The following HPSE2 variants were observed in gnomAD, a reference collection of about 807,000 sequenced individuals.
HPSE2 encodes the protein heparanase 2 (inactive).
A neutral mutation model predicts 60.5 loss-of-function variants in HPSE2; 38 were observed. That is an observed-to-expected ratio of 0.63 (90% CI 0.48 to 0.82). The LOEUF (loss-of-function observed/expected upper bound fraction) is 0.82. Ranked by LOEUF, HPSE2 falls within the 40% of genes least tolerant of loss-of-function variation. The probability of loss-of-function intolerance (pLI) is 0.00; values close to 1 mark genes in which losing one functional copy is unlikely to be tolerated. For synonymous variants in HPSE2, 295 were observed against 293.2 expected (o/e 1.01, Z -0.06); for missense variants, 713 against 740.4 (o/e 0.96, Z 0.43).
chr10:99,110,144 T>A (rs1280028350), intron 3 of HPSE2, among the ~76,000 whole-genome samples: 1 of 152,206 alleles, frequency 6.6e-6, no homozygotes, highest in Non-Finnish European at 1.5e-5. Context: ...CTTGAAACTA[T>A]TTTAAAAGAA....
chr10:99,263,287 C>T, the HPSE2 span, among the ~76,000 whole-genome samples: 58 of 152,144 alleles, frequency 3.8e-4, no homozygotes, highest in Non-Finnish European at 1.6e-4. Context: ...TGCTCTGCCC[C>T]TCTCCACTAC....
In HPSE2 at chr10:99,061,281, C is replaced by A. The variant is rs949508277; in HGVS notation, c.610+82957G>T. Among the ~76,000 whole-genome samples the A allele has an allele frequency of 2.0e-4, 30 of 152,116 alleles. 1 individual carries two copies. Among genetic ancestry groups the A allele is most frequent in the Admixed American group, 1.8e-3 (27 of 15,292 alleles). On this transcript the variant is annotated intron_variant, in intron 3 of 11. Transcript: ENST00000370552. ...CTAGTGTCCCATGTCCCAGATGACC[C>A]AGTATGCATCCATTGTAACACACCT...
At chr10:99,210,160 T>C (rs904986397) in intron 2 of HPSE2, among the ~76,000 whole-genome samples, 2 of 151,726 alleles carry the variant, frequency 1.3e-5, no homozygotes, top group African/African-American at 4.8e-5. Context: ...TGCAAGAAAA[T>C]CGAATAACCT....
At position 98,525,796 on chromosome 10, in the gene HPSE2, T is replaced by C. The variant is rs115354171; in HGVS notation, c.1321-35600A>G. 8.8e-3 allele frequency among the ~76,000 whole-genome samples: 1,335 copies of C among 152,294 alleles called. 24 individuals carry two copies. The highest frequency in any genetic ancestry group is 0.03 in the African/African-American group (1,241 of 41,550). On this transcript the variant is annotated intron_variant, in intron 9 of 11. Coordinates refer to ENST00000370552, the MANE Select transcript of HPSE2 (RefSeq NM_021828.5). ...CTGGCAGAAAGACTCTTCAATATTT[T>C]ACCTCCATAAAAGAACTCAGAAATT...
intron 3 of HPSE2, among the ~76,000 whole-genome samples, chr10:98,941,451 C>G (rs890779314): frequency 7.2e-6 from 1 of 139,710 alleles, no homozygotes; most frequent in Non-Finnish European, 1.5e-5. Context: ...AGACAGAGAG[C>G]CAAATCATCA....
chr10:98,880,787 T>A (rs973962319), intron 3 of HPSE2, among the ~76,000 whole-genome samples: 8 of 151,878 alleles, frequency 5.3e-5, no homozygotes, highest in Non-Finnish European at 1.2e-4. Flanking sequence ...CCATTGGAGG[T>A]TTTTTCCATG....
intron 3 of HPSE2, among the ~76,000 whole-genome samples, chr10:98,971,877 T>G (rs1955962908): frequency 6.6e-6 from 1 of 152,068 alleles, no homozygotes; most frequent in Non-Finnish European, 1.5e-5. Flanking sequence ...GCTATACCAG[T>G]GTACAATCCC....
intron 3 of HPSE2, among the ~76,000 whole-genome samples, chr10:99,045,858 C>T (rs1267318349): frequency 6.6e-6 from 1 of 152,126 alleles, no homozygotes; most frequent in Non-Finnish European, 1.5e-5. Context: ...ACCTACCAAC[C>T]AAAAATAGCC....
intron 4 of HPSE2, among the ~76,000 whole-genome samples, chr10:98,725,849 AG>A (rs1949061484): frequency 6.6e-6 from 1 of 152,348 alleles, no homozygotes; most frequent in African/African-American, 2.4e-5. Context: ...ACTTCTCAAA[AG>A]AAGACATTTA....
chr10:98,904,224 T>C (rs895218122), intron 3 of HPSE2, among the ~76,000 whole-genome samples: 15 of 152,114 alleles, frequency 9.9e-5, no homozygotes, highest in Admixed American at 9.2e-4. Flanking sequence ...ATTAATACAA[T>C]ATTTTTCCTG....
chr10:98,675,858 A>G (rs1203618626), intron 6 of HPSE2, among the ~76,000 whole-genome samples: 4 of 151,800 alleles, frequency 2.6e-5, no homozygotes, highest in Non-Finnish European at 5.9e-5. Flanking sequence ...TTTTGTAGAG[A>G]TATCAAGACC....
the HPSE2 span, among the ~76,000 whole-genome samples, chr10:99,288,385 A>G: frequency 6.6e-6 from 1 of 152,206 alleles, no homozygotes; most frequent in East Asian, 1.9e-4. Context: ...CTGCCACTTT[A>G]ATACAAAAGC....
chr10:99,259,296 A>AC, the HPSE2 span, among the ~76,000 whole-genome samples: 1 of 101,222 alleles, frequency 9.9e-6, no homozygotes, highest in Non-Finnish European at 2.1e-5. Flanking sequence ...ACAAGAGCAA[A>AC]ACCCCCCCCA....
chr10:98,562,140 C>T (rs1944204833), intron 9 of HPSE2, among the ~76,000 whole-genome samples: 1 of 152,158 alleles, frequency 6.6e-6, no homozygotes, highest in South Asian at 2.1e-4. Context: ...CTTACCATTA[C>T]ATGACAGTTG....
intron 3 of HPSE2, among the ~76,000 whole-genome samples, chr10:98,958,045 T>C (rs1175664784): frequency 6.6e-6 from 1 of 152,122 alleles, no homozygotes; most frequent in Non-Finnish European, 1.5e-5. Context: ...CTGTAAACTC[T>C]GATAATCTGA....
intron 7 of HPSE2, among the ~76,000 whole-genome samples, chr10:98,637,876 C>T (rs1946537295): frequency 6.6e-6 from 1 of 152,108 alleles, no homozygotes; most frequent in Admixed American, 6.5e-5. Flanking sequence ...CGGTGGCTCA[C>T]ACTTATAATC....
intron 3 of HPSE2, among the ~76,000 whole-genome samples, chr10:98,874,521 G>A (rs750541090): frequency 1.3e-4 from 20 of 152,080 alleles, no homozygotes; most frequent in East Asian, 7.7e-4. Flanking sequence ...CTGAGATGAC[G>A]GGGTTTTCTA....
intron 3 of HPSE2, among the ~76,000 whole-genome samples, chr10:99,079,227 A>C (rs1000236925): frequency 5.3e-5 from 8 of 152,020 alleles, no homozygotes; most frequent in African/African-American, 1.9e-4. Flanking sequence ...CCCACAGAGA[A>C]GTTGGGGCAT....
the HPSE2 span, among the ~76,000 whole-genome samples, chr10:99,276,289 C>T: frequency 6.6e-6 from 1 of 152,198 alleles, no homozygotes; most frequent in African/African-American, 2.4e-5. Flanking sequence ...CCTATTTACA[C>T]TACAACCCAA....
Sources: gnomAD v4.1 joint callset for allele counts (sites outside exome capture counted in the v4.1 genomes callset) on GRCh38, gnomAD v4.1.1 for gene constraint, MANE v1.5 for transcripts, NCBI Gene and HGNC (gene_info 2026-07-23, HGNC 2026-07-21) for gene names.